The following DNM3 variants were observed in gnomAD, a reference collection of about 807,000 sequenced individuals.
The protein encoded by DNM3 is dynamin-3.
Under a neutral mutation model 101.6 loss-of-function variants are expected in DNM3, and 47 were observed. The observed-to-expected ratio is 0.46, with a 90% CI of 0.37 to 0.59. The LOEUF is 0.59. Among genes scored for constraint, DNM3 ranks in the 20% least tolerant of loss-of-function variants. DNM3 has a pLI of 0.00. For missense variants in DNM3, 849 were observed against 1,085.7 expected (o/e 0.78, Z 3.06); for synonymous variants, 385 against 387.9 (o/e 0.99, Z 0.09).
In DNM3 at chr1:172,229,694, T is replaced by C. The variant is rs536149424; in HGVS notation, c.1660-23879T>C. 2.2e-4 allele frequency among the ~76,000 whole-genome samples: 34 copies of C among 152,262 alleles called. No individual in the cohort carries two copies. In the South Asian group the frequency reaches 2.5e-3, roughly 11 times the overall value. On this transcript the variant is annotated intron_variant, in intron 14 of 20. Coordinates refer to ENST00000627582, the MANE Select transcript of DNM3 (RefSeq NM_015569.5). ...TAATAACTACATCCTTTTCATTACA[T>C]AGATATGTATGTATATTATAATAAC...
Position 171,879,405 on chromosome 1 carries a change from A to G in DNM3, c.161+37588A>G, listed in dbSNP as rs2036064986. ...TTAGTGCTGTCTACTGAAAATCCACACCACTTTACATTATTTTGAATGTTT... is the reference window on the plus strand; with the variant it reads ...TTAGTGCTGTCTACTGAAAATCCACGCCACTTTACATTATTTTGAATGTTT... On this transcript the variant is annotated intron_variant, in intron 1 of 20. Coordinates refer to ENST00000627582, the MANE Select transcript of DNM3 (RefSeq NM_015569.5). 2.6e-5 allele frequency among the ~76,000 whole-genome samples: 4 copies of G among 152,136 alleles called. No homozygotes were observed. In the South Asian group the frequency reaches 6.2e-4, roughly 24 times the overall value.
At position 171,887,479 on chromosome 1, in the gene DNM3, A is replaced by G. The variant is rs147857563; in HGVS notation, c.162-34269A>G. On this transcript the variant is annotated intron_variant, in intron 1 of 20. Coordinates refer to ENST00000627582, the MANE Select transcript of DNM3 (RefSeq NM_015569.5). ...TAGTTTTCATGGATGCATAAACTATAAAGCCAAATTCTTGGCCTGTTTATA... is the reference window on the plus strand; with the variant it reads ...TAGTTTTCATGGATGCATAAACTATGAAGCCAAATTCTTGGCCTGTTTATA... Among the ~76,000 whole-genome samples the G allele has an allele frequency of 6.7e-3, 1,023 of 152,358 alleles. 14 individuals are homozygous for G. The highest frequency in any genetic ancestry group is 0.023 in the African/African-American group (963 of 41,590).
intron 15 of DNM3, among the ~76,000 whole-genome samples, chr1:172,298,445 C>T (rs116421821): frequency 0.011 from 1,638 of 152,286 alleles, 23 homozygotes; most frequent in Non-Finnish European, 0.015. Context: ...AACTTAGCCC[C>T]TCCACACCTT....
rs148187552 is a variant in DNM3, at chr1:172,205,383, T to G, written c.1660-48190T>G. ...TACACTTTTTAGTCTCAGGATCTGT[T>G]TAAACTCTTAAAAATATTGAATACC... On this transcript the variant is annotated intron_variant, in intron 14 of 20. Coordinates refer to ENST00000627582, the MANE Select transcript of DNM3 (RefSeq NM_015569.5). Among the ~76,000 whole-genome samples, 10 of 152,220 alleles carry G rather than the reference T, an allele frequency of 6.6e-5. No individual in the cohort carries two copies. The East Asian group carries it at 1.9e-3, about 29-fold the overall frequency.
Position 172,322,971 on chromosome 1 carries a change from G to A in DNM3, c.1882-358G>A, listed in dbSNP as rs1257819393. Reference sequence around the variant, plus strand: ...GCACACAAAATGCTCTGCCTTTCACGCTAACAGTTCACTTATTACTGATTC... The same window carrying A: ...GCACACAAAATGCTCTGCCTTTCACACTAACAGTTCACTTATTACTGATTC... On this transcript the variant is annotated intron_variant, in intron 16 of 20. Transcript: ENST00000627582. Among the ~76,000 whole-genome samples the A allele has an allele frequency of 2.6e-5, 4 of 152,124 alleles. No homozygotes were observed. The South Asian group carries it at 6.2e-4, about 24-fold the overall frequency.
rs570610562 is a variant in DNM3, at chr1:172,130,714, T to G, written c.1546-461T>G. On this transcript the variant is annotated intron_variant, in intron 13 of 20. Transcript: ENST00000627582. ...AACTGATTGAATTGAGTTTCTTCTT[T>G]TCGTCATTTGCTGGCAGGTCTCTGG... 2.6e-5 allele frequency among the ~76,000 whole-genome samples: 4 copies of G among 152,324 alleles called. No homozygotes were observed. The East Asian group carries it at 7.7e-4, about 29-fold the overall frequency.
chr1:172,166,842 G>C (rs2058762166), intron 14 of DNM3, among the ~76,000 whole-genome samples: 3 of 151,618 alleles, frequency 2.0e-5, no homozygotes, highest in Admixed American at 2.0e-4. Flanking sequence ...GTGGGAGCTT[G>C]AGACTAAAAA....
intron 15 of DNM3, among the ~76,000 whole-genome samples, chr1:172,278,255 C>G (rs2586426): frequency 0.061 from 9,254 of 152,038 alleles, 356 homozygotes; most frequent in African/African-American, 0.099. Flanking sequence ...TCTTACTTTA[C>G]TAATGCTGTC....
intron 15 of DNM3, among the ~76,000 whole-genome samples, chr1:172,306,034 CA>C (rs1337942328): frequency 6.6e-6 from 1 of 152,078 alleles, no homozygotes; most frequent in African/African-American, 2.4e-5. Flanking sequence ...CTGGCCAGGG[CA>C]ATCAGGCAAG....
chr1:171,918,448 T>C (rs977327871), intron 1 of DNM3, among the ~76,000 whole-genome samples: 2 of 152,182 alleles, frequency 1.3e-5, no homozygotes, highest in Admixed American at 1.3e-4. Flanking sequence ...GCTGGGCATA[T>C]GGTTTTCATT....
chr1:172,180,806 T>G (rs2059317150), intron 14 of DNM3, among the ~76,000 whole-genome samples: 1 of 152,128 alleles, frequency 6.6e-6, no homozygotes, highest in African/African-American at 2.4e-5. Context: ...GTTATGTATA[T>G]GTATGAAAAT....
intron 15 of DNM3, among the ~76,000 whole-genome samples, chr1:172,281,110 G>C (rs1478223471): frequency 6.6e-6 from 1 of 151,894 alleles, no homozygotes; most frequent in Non-Finnish European, 1.5e-5. Context: ...ATAATGGAGA[G>C]AGTGTGATAG....
chr1:171,913,602 C>T (rs1294658468), intron 1 of DNM3, among the ~76,000 whole-genome samples: 3 of 152,124 alleles, frequency 2.0e-5, no homozygotes, highest in Non-Finnish European at 4.4e-5. Context: ...CCATTGTGTT[C>T]AGGGTGTGGA....
At chr1:171,856,861 C>G (rs1003730747) in intron 1 of DNM3, among the ~76,000 whole-genome samples, 1 of 152,162 alleles carries the variant, frequency 6.6e-6, no homozygotes, top group Non-Finnish European at 1.5e-5. Context: ...TTATTTCTTT[C>G]TCTTGCCTGA....
rs114741287 is a variant in DNM3 at position 172,251,987 on chromosome 1, C to T, written c.1660-1586C>T. On this transcript the variant is annotated intron_variant, in intron 14 of 20. Transcript: ENST00000627582. Reference sequence around the variant, plus strand: ...GGACTCAACTATGGTATCTCATTTACGATTAAATTATGTATTTGCTGTTTA... The same window carrying T: ...GGACTCAACTATGGTATCTCATTTATGATTAAATTATGTATTTGCTGTTTA... Among the ~76,000 whole-genome samples the T allele has an allele frequency of 4.4e-3, 674 of 152,136 alleles. 11 individuals carry two copies. The highest frequency in any genetic ancestry group is 0.014 in the African/African-American group (595 of 41,508).
At chr1:172,347,906 C>T (rs2148976012) in intron 17 of DNM3, among the ~76,000 whole-genome samples, 1 of 152,012 alleles carries the variant, frequency 6.6e-6, no homozygotes, top group Non-Finnish European at 1.5e-5. Context: ...AAGTGAACTC[C>T]AGTACATTCA....
At chr1:172,313,283 C>A (rs942434126) in intron 16 of DNM3, among the ~76,000 whole-genome samples, 1 of 152,094 alleles carries the variant, frequency 6.6e-6, no homozygotes, top group African/African-American at 2.4e-5. Flanking sequence ...TACAATCAGT[C>A]TGTATTGTGT....
At chr1:171,891,547 A>G (rs888285624) in intron 1 of DNM3, among the ~76,000 whole-genome samples, 13 of 152,160 alleles carry the variant, frequency 8.5e-5, no homozygotes, top group African/African-American at 2.4e-4. Context: ...CCAGGATCAT[A>G]TCCAGGATAC....
chr1:172,032,529 T>C, intron 5 of DNM3, 29 bp downstream of exon 5: 1 of 249,340 alleles, frequency 4.0e-6, no homozygotes, highest in Non-Finnish European at 5.4e-6. Context: ...TACAAGACTT[T>C]TTTTTTTTTT....
Sources: gnomAD v4.1 joint callset for allele counts (sites outside exome capture counted in the v4.1 genomes callset) on GRCh38, gnomAD v4.1.1 for gene constraint, MANE v1.5 for transcripts, NCBI Gene and HGNC (gene_info 2026-07-23, HGNC 2026-07-21) for gene names.